KLHL14: variants seen among roughly 807,000 people sequenced by gnomAD.
KLHL14 encodes kelch-like protein 14.
A neutral mutation model predicts 64.3 loss-of-function variants in KLHL14; 22 were observed. That is an observed-to-expected ratio of 0.34 (90% CI 0.24 to 0.49). KLHL14 has a LOEUF of 0.49. Among genes scored for constraint, KLHL14 ranks in the 20% least tolerant of loss-of-function variants. The pLI is 0.99. For missense variants in KLHL14, 661 were observed against 789.0 expected, an observed-to-expected ratio of 0.84 and a Z score of 1.94; for synonymous variants, 322 against 333.4, an observed-to-expected ratio of 0.97 and a Z score of 0.37.
intron 3 of KLHL14, among the ~76,000 whole-genome samples, chr18:32,726,770 A>C (rs2050110359): frequency 6.6e-6 from 1 of 152,214 alleles, no homozygotes; most frequent in Non-Finnish European, 1.5e-5. Flanking sequence ...TACACACTGC[A>C]GATAACTGCA....
chr18:32,679,017 G>T (rs1217834534), intron 7 of KLHL14, among the ~76,000 whole-genome samples: 1 of 152,152 alleles, frequency 6.6e-6, no homozygotes, highest in African/African-American at 2.4e-5. Flanking sequence ...AAGGAATGGT[G>T]TGTGGCTTGA....
chr18:32,688,624 A>T (rs745992024), intron 4 of KLHL14, among the ~76,000 whole-genome samples: 16 of 152,222 alleles, frequency 1.1e-4, no homozygotes, highest in Admixed American at 2.6e-4. Context: ...TTGGGCTGGC[A>T]GTGAGTTCAA....
chr18:32,771,597 G>T (rs1371811734), intron 1 of KLHL14, among the ~76,000 whole-genome samples: 1 of 152,084 alleles, frequency 6.6e-6, no homozygotes, highest in Non-Finnish European at 1.5e-5. Context: ...TCCAGCGAGG[G>T]GCGGCACCGA....
chr18:32,761,975 T>C (rs1271390361), intron 2 of KLHL14, among the ~76,000 whole-genome samples: 1 of 152,174 alleles, frequency 6.6e-6, no homozygotes, highest in African/African-American at 2.4e-5. Flanking sequence ...ACATGGGAAT[T>C]AAGATGATTT....
chr18:32,721,653 C>T (rs189130548), intron 3 of KLHL14, among the ~76,000 whole-genome samples: 37 of 152,288 alleles, frequency 2.4e-4, no homozygotes, highest in Admixed American at 1.4e-3. Flanking sequence ...AACTCTTCTT[C>T]CAACTCTTCT....
At chr18:32,739,765 C>T (rs1285429002) in intron 3 of KLHL14, among the ~76,000 whole-genome samples, 3 of 151,922 alleles carry the variant, frequency 2.0e-5, no homozygotes, top group Non-Finnish European at 4.4e-5. Context: ...TTAAATCTAA[C>T]ATGTGAAAAC....
chr18:32,709,309 C>T (rs749821375), intron 3 of KLHL14, among the ~76,000 whole-genome samples: 18 of 152,192 alleles, frequency 1.2e-4, no homozygotes, highest in Admixed American at 3.3e-4. Flanking sequence ...TGAATATTCT[C>T]ATGGTTCACT....
At chr18:32,766,787 T>C (rs1391803380) in intron 2 of KLHL14, among the ~76,000 whole-genome samples, 1 of 152,128 alleles carries the variant, frequency 6.6e-6, no homozygotes, top group African/African-American at 2.4e-5. Context: ...GAACATTTTA[T>C]ATTAATTTGA....
intron 1 of KLHL14, among the ~76,000 whole-genome samples, chr18:32,771,326 G>T (rs981533714): frequency 3.3e-5 from 5 of 152,154 alleles, no homozygotes. Flanking sequence ...AGCGGAGCGC[G>T]GTGAGGACCC....
chr18:32,688,217 C>T (rs1370445598), intron 4 of KLHL14, among the ~76,000 whole-genome samples: 1 of 152,068 alleles, frequency 6.6e-6, no homozygotes, highest in East Asian at 1.9e-4. Context: ...ATATGTGTAA[C>T]TAAACATTGA....
intron 3 of KLHL14, among the ~76,000 whole-genome samples, chr18:32,702,942 C>T (rs1030317319): frequency 4.6e-5 from 7 of 152,138 alleles, no homozygotes; most frequent in South Asian, 2.1e-4. Context: ...TGTGCAAGAA[C>T]GAAGAGAGCT....
chr18:32,742,305 C>A (rs571902257), intron 2 of KLHL14, among the ~76,000 whole-genome samples: 1 of 104,466 alleles, frequency 9.6e-6, no homozygotes, highest in South Asian at 3.9e-4. Context: ...TCTAGAACGA[C>A]CTTTTTCTTA....
chr18:32,748,471 G>A (rs536763292), intron 2 of KLHL14, among the ~76,000 whole-genome samples: 1 of 152,002 alleles, frequency 6.6e-6, no homozygotes, highest in South Asian at 2.1e-4. Flanking sequence ...CCGGGTTCAC[G>A]CCATTCTCCT....
intron 4 of KLHL14, among the ~76,000 whole-genome samples, chr18:32,689,808 G>C (rs538453668): frequency 3.0e-4 from 46 of 152,208 alleles, no homozygotes; most frequent in African/African-American, 1.1e-3. Flanking sequence ...CAAAATGAAG[G>C]GTTTATCTTC....
chr18:32,683,117 T>G lies in KLHL14; in HGVS notation c.1239-2518A>C, dbSNP rs947565177. 1.3e-5 allele frequency among the ~76,000 whole-genome samples: 2 copies of G among 149,440 alleles called. No individual in the cohort carries two copies. Among genetic ancestry groups the G allele is most frequent in the Non-Finnish European group, 2.9e-5 (2 of 67,896 alleles). ...ACTCATTTTCTTGTCTAAAATTCAG[T>G]TTTTTTTCACTTTTTATGATCTGGT... On this transcript the variant is annotated intron_variant, in intron 5 of 8. Coordinates refer to ENST00000359358, the MANE Select transcript of KLHL14 (RefSeq NM_020805.3). This position sits in a 1 kb window ranked among gnomAD's most constrained non-coding sequence, Gnocchi z 4.2.
At chr18:32,759,210 C>T (rs2050300933) in intron 2 of KLHL14, among the ~76,000 whole-genome samples, 1 of 152,126 alleles carries the variant, frequency 6.6e-6, no homozygotes, top group East Asian at 1.9e-4. Flanking sequence ...CCAGGATTGG[C>T]TTGGGATCTA....
chr18:32,719,722 G>A (rs1397709697), intron 3 of KLHL14, among the ~76,000 whole-genome samples: 1 of 152,174 alleles, frequency 6.6e-6, no homozygotes, highest in Admixed American at 6.5e-5. Flanking sequence ...GTGTAGGCAG[G>A]CAGACATTTA....
intron 3 of KLHL14, among the ~76,000 whole-genome samples, chr18:32,712,604 CTT>C (rs2050024923): frequency 6.6e-6 from 1 of 152,122 alleles, no homozygotes; most frequent in Non-Finnish European, 1.5e-5. Flanking sequence ...ATATTGGTCA[CTT>C]TTAAAAAAGA....
chr18:32,702,355 T>A (rs1288377206), intron 3 of KLHL14, among the ~76,000 whole-genome samples: 191 of 147,862 alleles, frequency 1.3e-3, no homozygotes, highest in Middle Eastern at 7.0e-3. Flanking sequence ...TTTTTTTTTT[T>A]AAAAAAAAGT....
Sources: gnomAD v4.1 joint callset for allele counts (sites outside exome capture counted in the v4.1 genomes callset) on GRCh38, gnomAD v4.1.1 for gene constraint, Gnocchi (gnomAD v3.1) non-coding constraint, MANE v1.5 for transcripts, NCBI Gene and HGNC (gene_info 2026-07-23, HGNC 2026-07-21) for gene names.